The following MAP2K1 variants were observed in gnomAD, a reference collection of about 807,000 sequenced individuals.
The protein encoded by MAP2K1 is dual specificity mitogen-activated protein kinase kinase 1.
A neutral mutation model predicts 46.3 loss-of-function variants in MAP2K1; 16 were observed. The ratio of observed to expected loss-of-function variants is 0.35; its 90% confidence interval spans 0.23 to 0.52. The LOEUF is 0.52. Ranked by LOEUF, MAP2K1 falls within the 20% of genes least tolerant of loss-of-function variation. MAP2K1 has a pLI of 0.94. For synonymous variants in MAP2K1, 183 were observed against 185.6 expected, an observed-to-expected ratio of 0.99 and a Z score of 0.11; for missense variants, 263 against 497.1, an observed-to-expected ratio of 0.53 and a Z score of 4.48.
At chr15:66,430,939 A>G (rs1321497530) in intron 1 of MAP2K1, among the ~76,000 whole-genome samples, 3 of 152,260 alleles carry the variant, frequency 2.0e-5, no homozygotes, top group African/African-American at 4.8e-5. Context: ...CAAACCTTTA[A>G]TCTTCTTTTA....
At chr15:66,408,596 G>A (rs1357777030) in intron 1 of MAP2K1, among the ~76,000 whole-genome samples, 2 of 152,068 alleles carry the variant, frequency 1.3e-5, no homozygotes, top group Non-Finnish European at 2.9e-5. Context: ...GTTAATTTGG[G>A]ATGGGTAGTC....
chr15:66,420,769 A>G (rs755448816), intron 1 of MAP2K1, among the ~76,000 whole-genome samples: 432 of 18,052 alleles, frequency 0.024, 56 homozygotes, highest in South Asian at 0.12. Context: ...GTATGTGTGT[A>G]TATATATGTG....
Position 66,386,932 on chromosome 15 carries a change from C to G in MAP2K1, c.-416C>G, listed in dbSNP as rs1455113640. 1 of 247,390 alleles carries G rather than the reference C, an allele frequency of 4.0e-6. No homozygotes were observed. Among genetic ancestry groups the G allele is most frequent in the African/African-American group, 2.2e-5 (1 of 45,584 alleles). The allele number at this position is 247,390 out of a possible 1,614,324, so 15.3% of individuals were successfully genotyped here. A position where few individuals can be genotyped will look rare whatever the true frequency, so the allele number is the denominator to read the frequency against. ...CCTCCAGTCCCTCCCAGGGCCGCTT[C>G]GCAGAGCGGCTAGGAGCACGGCGGC... On this transcript the variant is annotated 5_prime_UTR_variant, in exon 1 of 11. Coordinates refer to ENST00000307102, the MANE Select transcript of MAP2K1 (RefSeq NM_002755.4).
intron 6 of MAP2K1, among the ~76,000 whole-genome samples, chr15:66,482,146 T>C (rs1295376986): frequency 6.6e-6 from 1 of 152,136 alleles, no homozygotes; most frequent in African/African-American, 2.4e-5. Context: ...TTCTGAAGGA[T>C]TGTGAGCTCC....
chr15:66,398,198 C>T (rs998830716), intron 1 of MAP2K1, among the ~76,000 whole-genome samples: 4 of 151,600 alleles, frequency 2.6e-5, no homozygotes, highest in Admixed American at 2.6e-4. Context: ...AGGAGGATTG[C>T]TTGAGCCCAA....
intron 3 of MAP2K1, among the ~76,000 whole-genome samples, 158 bp downstream of exon 3, chr15:66,437,050 A>T (rs549156666): frequency 1.1e-4 from 16 of 152,160 alleles, no homozygotes; most frequent in Admixed American, 9.8e-4. Context: ...AGAGCTTGGG[A>T]TATTCACAAG....
intron 2 of MAP2K1, among the ~76,000 whole-genome samples, chr15:66,435,598 G>A (rs1216323953): frequency 6.6e-6 from 1 of 152,124 alleles, no homozygotes; most frequent in Admixed American, 6.5e-5. Context: ...AAAGTGCTGG[G>A]ATTACAGGTG....
At chr15:66,415,173 G>T (rs1374092993) in intron 1 of MAP2K1, 1 of 523,460 alleles carries the variant, frequency 1.9e-6, no homozygotes, top group South Asian at 1.4e-5. Flanking sequence ...GAAGTTTCTT[G>T]TTCTTCACTG....
intron 1 of MAP2K1, among the ~76,000 whole-genome samples, chr15:66,389,575 T>G (rs1268398512): frequency 3.5e-4 from 44 of 124,044 alleles, no homozygotes; most frequent in Non-Finnish European, 5.7e-4. Context: ...TGTTGTGGTT[T>G]TTTTTTTTTT....
chr15:66,420,007 GGT>G (rs2093433822), intron 1 of MAP2K1, among the ~76,000 whole-genome samples: 1 of 152,158 alleles, frequency 6.6e-6, no homozygotes, highest in African/African-American at 2.4e-5. Context: ...CACTTTGGGA[GGT>G]GAGGTGGGTG....
At chr15:66,481,665 G>A in intron 5 of MAP2K1, 90 bp from the exon 6 acceptor site, 1 of 1,488,478 alleles carries the variant, frequency 6.7e-7, no homozygotes, top group Non-Finnish European at 9.3e-7. Flanking sequence ...GGGACTCGTG[G>A]TCAGGGCTGG....
chr15:66,387,570 A>G (rs2064067472), intron 1 of MAP2K1, 143 bp downstream of exon 1: 1 of 793,404 alleles, frequency 1.3e-6, no homozygotes, highest in African/African-American at 1.7e-5. Flanking sequence ...CCGCCGAGGT[A>G]TCGGTGACTA....
intron 5 of MAP2K1, among the ~76,000 whole-genome samples, chr15:66,447,291 A>C (rs990214904): frequency 2.6e-5 from 4 of 151,306 alleles, no homozygotes; most frequent in Admixed American, 2.0e-4. Context: ...CTGATCTTTC[A>C]GGTCTTCAGT....
At position 66,444,708 on chromosome 15, in the gene MAP2K1, G is replaced by A. The variant is rs730880505; in HGVS notation, c.568+1G>A. The A allele has an allele frequency of 1.2e-6, 2 of 1,611,124 alleles. No homozygotes were observed. The highest frequency in any genetic ancestry group is 1.3e-5 in the African/African-American group (1 of 74,988). The stretch of plus-strand genomic sequence containing the variant: ...GAGAAGCACAAGATCATGCACAGAG[G>A]TAAGAAGTTATTTGCTAGTTATTTT... On this transcript the variant is annotated splice_donor_variant, in intron 5 of 10. Coordinates refer to ENST00000307102, the MANE Select transcript of MAP2K1 (RefSeq NM_002755.4). LOFTEE classifies it high-confidence loss of function.
At chr15:66,438,927 G>A (rs2093496117) in intron 3 of MAP2K1, among the ~76,000 whole-genome samples, 1 of 152,204 alleles carries the variant, frequency 6.6e-6, no homozygotes, top group South Asian at 2.1e-4. Flanking sequence ...GACCCAGAGG[G>A]CAGCTAGAAT....
intron 5 of MAP2K1, among the ~76,000 whole-genome samples, chr15:66,454,597 G>A (rs1388490512): frequency 6.6e-6 from 1 of 152,128 alleles, no homozygotes; most frequent in Non-Finnish European, 1.5e-5. Context: ...TTCATTAGAA[G>A]GATCTGGCTG....
intron 1 of MAP2K1, among the ~76,000 whole-genome samples, chr15:66,412,604 T>G (rs563251104): frequency 6.6e-6 from 1 of 152,372 alleles, no homozygotes; most frequent in South Asian, 2.1e-4. Flanking sequence ...AAAGACTGCA[T>G]ACTTAGATTG....
At chr15:66,490,353 G>A (rs1169414292) in intron 10 of MAP2K1, 149 bp from the exon 11 acceptor site, 1 of 741,610 alleles carries the variant, frequency 1.3e-6, no homozygotes, top group Non-Finnish European at 2.5e-6. Flanking sequence ...GCCTGCAGCT[G>A]GCCCCACTGT....
chr15:66,414,921 A>T (rs1401409607), intron 1 of MAP2K1: 2 of 397,646 alleles, frequency 5.0e-6, no homozygotes, highest in Non-Finnish European at 9.9e-6. Flanking sequence ...AGTGCAGAGC[A>T]TGCCCTCTTC....
Sources: gnomAD v4.1 joint callset for allele counts (sites outside exome capture counted in the v4.1 genomes callset) on GRCh38, gnomAD v4.1.1 for gene constraint, MANE v1.5 for transcripts, NCBI Gene and HGNC (gene_info 2026-07-23, HGNC 2026-07-21) for gene names.